KCNQ2: variants seen among roughly 807,000 people sequenced by gnomAD.
The protein encoded by KCNQ2 is potassium voltage-gated channel subfamily Q member 2.
KCNQ2 carries 14 observed loss-of-function variants against 84.8 expected under a neutral mutation model. The observed-to-expected ratio is 0.17, with a 90% CI of 0.11 to 0.26. KCNQ2 has a LOEUF of 0.26. Ranked by LOEUF, KCNQ2 falls within the 10% of genes least tolerant of loss-of-function variation. The pLI is 1.00. For synonymous variants in KCNQ2, 599 were observed against 554.1 expected, an observed-to-expected ratio of 1.08 and a Z score of -1.14; for missense variants, 788 against 1,254.0, an observed-to-expected ratio of 0.63 and a Z score of 5.61.
chr20:63,444,930 G>A, intron 3 of KCNQ2, 96 bp from the exon 4 acceptor site: 6 of 1,340,648 alleles, frequency 4.5e-6, no homozygotes, highest in Non-Finnish European at 6.1e-6. Flanking sequence ...GATGTGCAGA[G>A]GGGCGGGAAG....
rs8124046 is a variant in KCNQ2 at position 63,411,424 on chromosome 20, C to T, written c.1763+2026G>A. Among the ~76,000 whole-genome samples the T allele has an allele frequency of 2.9e-3, 442 of 152,294 alleles. 1 individual carries two copies. Among genetic ancestry groups the T allele is most frequent in the African/African-American group, 0.01 (418 of 41,558 alleles). The stretch of plus-strand genomic sequence containing the variant: ...GCCTGTCCAGGGGGCACGGGCAGGG[C>T]CAGAGGGATGTCTGTGCAGGTCTGA... On this transcript the variant is annotated intron_variant, in intron 15 of 16. Transcript: ENST00000359125.
intron 4 of KCNQ2, 131 bp downstream of exon 4, chr20:63,444,528 A>T: frequency 1.5e-6 from 1 of 656,070 alleles, no homozygotes; most frequent in Non-Finnish European, 2.3e-6. Flanking sequence ...GGCTCCAGCC[A>T]GAGCCACCAC....
chr20:63,424,284 A>C, intron 10 of KCNQ2, 78 bp from the exon 11 acceptor site: 1 of 1,493,720 alleles, frequency 6.7e-7, no homozygotes. Flanking sequence ...CCAGCCCCCC[A>C]CAGTCCCATG....
In KCNQ2 at chr20:63,415,238, A is replaced by C. The variant is rs944385311; in HGVS notation, c.1302-112T>G. ...GACGCCGCCCATGCGCCGGAGGGAGACACAGGTCTGAAGAACAGCCAGCCA... is the reference window on the plus strand; with the variant it reads ...GACGCCGCCCATGCGCCGGAGGGAGCCACAGGTCTGAAGAACAGCCAGCCA... On this transcript the variant is annotated intron_variant, in intron 12 of 16. Transcript: ENST00000359125. 2.3e-5 allele frequency: 23 copies of C among 1,000,384 alleles called. No homozygotes were observed. The African/African-American group carries it at 3.5e-4, about 15-fold the overall frequency. The allele number at this position is 1,000,384 out of a possible 1,614,324, so 62.0% of individuals were successfully genotyped here.
chr20:63,429,135 C>T (rs908924714), intron 9 of KCNQ2, among the ~76,000 whole-genome samples: 1 of 151,940 alleles, frequency 6.6e-6, no homozygotes, highest in African/African-American at 2.4e-5. Flanking sequence ...CACCTCCTCA[C>T]GTCTGGGTGG....
rs1244500696 is a variant in KCNQ2, at chr20:63,414,183, G to A, written c.1536C>T (p.Leu512=). ...TGTCATCCACAATGTCCTCTCCGGG[G>A]AGGCTTGCTTCTGGGGGGAAGGAGA... ...ASRQNSEEAS[L]PGEDIVDDKS... is the part of the protein sequence containing the mutation. Residue 512 remains leucine (L), a synonymous_variant, in exon 14 of 17, where the codon CTC becomes CTT. Coordinates refer to ENST00000359125, the MANE Select transcript of KCNQ2 (RefSeq NM_172107.4). The surrounding 1 kb of genome is among the most constrained non-coding windows in gnomAD (Gnocchi z 6.6). 3 of 1,613,310 alleles carry A rather than the reference G, an allele frequency of 1.9e-6. No homozygotes were observed. Among genetic ancestry groups the A allele is most frequent in the South Asian group, 1.1e-5 (1 of 91,080 alleles).
At position 63,408,644 on chromosome 20, in the gene KCNQ2, C is replaced by G; in HGVS notation, c.1764-108G>C. On this transcript the variant is annotated intron_variant, in intron 15 of 16. Transcript: ENST00000359125. The surrounding 1 kb of genome is among the most constrained non-coding windows in gnomAD (Gnocchi z 5.0). Reference sequence around the variant, plus strand: ...TGCCCCTGGGTCTAGGCTGCAGGCTCAGCCCAGAGCCGACCAGGGGGCAGT... The same window carrying G: ...TGCCCCTGGGTCTAGGCTGCAGGCTGAGCCCAGAGCCGACCAGGGGGCAGT... The G allele has an allele frequency of 6.6e-7, 1 of 1,516,252 alleles. No homozygotes were observed. Among genetic ancestry groups the G allele is most frequent in the Non-Finnish European group, 8.9e-7 (1 of 1,124,576 alleles). 93.9% of individuals were successfully genotyped at this position (1,516,252 alleles called of 1,614,324 possible). A position where few individuals can be genotyped will look rare whatever the true frequency, so the allele number is the denominator to read the frequency against.
intron 12 of KCNQ2, among the ~76,000 whole-genome samples, chr20:63,418,809 G>A (rs766437753): frequency 3.0e-4 from 46 of 152,340 alleles, no homozygotes; most frequent in Admixed American, 1.4e-3. Flanking sequence ...TGGAGTCGCG[G>A]GCCCCCCATG....
chr20:63,471,923 G>A (rs950601969), intron 1 of KCNQ2, among the ~76,000 whole-genome samples: 1 of 152,194 alleles, frequency 6.6e-6, no homozygotes, highest in Non-Finnish European at 1.5e-5. Flanking sequence ...GCACGTCTCT[G>A]TCCTGCGGGC....
At position 63,408,401 on chromosome 20, in the gene KCNQ2, A is replaced by T; in HGVS notation, c.1887+12T>A. 1 of 1,606,050 alleles carries T rather than the reference A, an allele frequency of 6.2e-7. No individual in the cohort carries two copies. The highest frequency in any genetic ancestry group is 1.3e-5 in the African/African-American group (1 of 74,858). ...CTCCAGCCCCGCACCCCTCCCGCCC[A>T]GCCTCTCGCACCTGCTTCTCCACCT... On this transcript the variant is annotated intron_variant, in intron 16 of 16. Transcript: ENST00000359125. This position sits in a 1 kb window ranked among gnomAD's most constrained non-coding sequence, Gnocchi z 5.0.
chr20:63,428,990 G>A (rs1000345827), intron 9 of KCNQ2, among the ~76,000 whole-genome samples: 6 of 151,988 alleles, frequency 3.9e-5, no homozygotes, highest in Admixed American at 1.3e-4. Flanking sequence ...GGAATCCTCC[G>A]CAGGTGGCCC....
chr20:63,450,707 G>A lies in KCNQ2; in HGVS notation c.297-3870C>T, dbSNP rs1262049262. On this transcript the variant is annotated intron_variant, in intron 1 of 16. Coordinates refer to ENST00000359125, the MANE Select transcript of KCNQ2 (RefSeq NM_172107.4). ...GCGTCTGTGGAGCCGAGGCTGCGGG[G>A]GCTTGGAAGCAGGGGAGGGCAGACC... Among the ~76,000 whole-genome samples, 4 of 151,666 alleles carry A rather than the reference G, an allele frequency of 2.6e-5. No individual in the cohort carries two copies. The East Asian group carries it at 7.8e-4, about 29-fold the overall frequency.
chr20:63,443,286 CCAT>C lies in KCNQ2; in HGVS notation c.691-758_691-756del, dbSNP rs1568937054. On this transcript the variant is annotated intron_variant, in intron 4 of 16. Transcript: ENST00000359125. ...ACCATCATCACCACCATCACCATCA[CCAT>C]CATCACCACCACCATCACCATCATC... Among the ~76,000 whole-genome samples, 281 of 69,352 alleles carry C rather than the reference CCAT, an allele frequency of 4.1e-3. 5 individuals carry two copies. The highest frequency in any genetic ancestry group is 0.014 in the African/African-American group (245 of 17,436). The allele number at this position is 69,352 out of a possible 152,430, so 45.5% of individuals were successfully genotyped here.
chr20:63,450,874 G>A (rs916440616), intron 1 of KCNQ2, among the ~76,000 whole-genome samples: 1 of 152,044 alleles, frequency 6.6e-6, no homozygotes, highest in Admixed American at 6.6e-5. Flanking sequence ...ATGCATGGCG[G>A]CTCACGCATC....
At chr20:63,439,473 G>C in intron 6 of KCNQ2, 125 bp downstream of exon 6, 1 of 749,064 alleles carries the variant, frequency 1.3e-6, no homozygotes, top group Non-Finnish European at 2.4e-6. Context: ...GGGGGCTGTG[G>C]ACCTGCTGAG....
chr20:63,458,776 T>G (rs1318077592), intron 1 of KCNQ2, among the ~76,000 whole-genome samples: 3 of 152,192 alleles, frequency 2.0e-5, no homozygotes, highest in Non-Finnish European at 4.4e-5. Context: ...AAGTTGAACC[T>G]GCTCGAGAGC....
chr20:63,422,871 T>A (rs928989507), intron 11 of KCNQ2, among the ~76,000 whole-genome samples: 1 of 152,120 alleles, frequency 6.6e-6, no homozygotes, highest in South Asian at 2.1e-4. Flanking sequence ...AGCAAGGGCG[T>A]GGGGCCCTGC....
At chr20:63,463,389 C>T (rs555193063) in intron 1 of KCNQ2, among the ~76,000 whole-genome samples, 1 of 152,182 alleles carries the variant, frequency 6.6e-6, no homozygotes, top group Non-Finnish European at 1.5e-5. Context: ...GCCTCCCTGA[C>T]CACCCTACTC....
intron 14 of KCNQ2, 76 bp from the exon 15 acceptor site, chr20:63,413,657 C>G (rs962269929): frequency 6.4e-7 from 1 of 1,554,020 alleles, no homozygotes; most frequent in East Asian, 2.3e-5. Flanking sequence ...TTCCTAGCAC[C>G]TCTGAGACCT....
Sources: allele counts gnomAD v4.1 joint callset (sites outside exome capture counted in the v4.1 genomes callset), GRCh38; gene constraint gnomAD v4.1.1; non-coding constraint Gnocchi (gnomAD v3.1); transcripts MANE v1.5; gene names NCBI Gene and HGNC (gene_info 2026-07-23, HGNC 2026-07-21).